The following SNRPN variants were observed in gnomAD, a reference collection of about 807,000 sequenced individuals.
The protein encoded by SNRPN is small nuclear ribonucleoprotein-associated protein N.
In SNRPN, 7 loss-of-function variants were observed where a neutral mutation model predicts 25.2. The ratio of observed to expected loss-of-function variants is 0.28; its 90% CI spans 0.16 to 0.52. The LOEUF is 0.52. Among genes scored for constraint, SNRPN ranks in the 20% least tolerant of loss-of-function variants. The probability of loss-of-function intolerance (pLI) is 0.96; values close to 1 mark genes in which losing one functional copy is unlikely to be tolerated. For synonymous variants in SNRPN, 124 were observed against 110.6 expected (o/e 1.12, Z -0.76); for missense variants, 196 against 322.5 (o/e 0.61, Z 3.00).
intron 1 of SNRPN, among the ~76,000 whole-genome samples, chr15:24,877,834 C>CTCCG (rs999606301): frequency 6.6e-5 from 10 of 152,154 alleles, no homozygotes; most frequent in Admixed American, 2.0e-4. Flanking sequence ...CAGAGCGAAA[C>CTCCG]TCCGTCTAAA....
At chr15:24,898,715 T>C (rs1242519558) in intron 2 of SNRPN, among the ~76,000 whole-genome samples, 1 of 152,220 alleles carries the variant, frequency 6.6e-6, no homozygotes, top group Non-Finnish European at 1.5e-5. Flanking sequence ...TTAATCTGTC[T>C]TTAATGTATG....
In SNRPN at chr15:24,877,661, A is replaced by AACACACACACACACAC. The variant is rs72120147; in HGVS notation, c.-578-8835_-578-8820dup. ...CCAATATGGTGAAACATCTCTACAAAACACACACACACACACACACACACA... is the reference window on the plus strand; with the variant it reads ...CCAATATGGTGAAACATCTCTACAAAACACACACACACACACACACACACACACACACACACACACA... On this transcript the variant is annotated intron_variant, in intron 1 of 11. Coordinates refer to the SNRPN transcript ENST00000400097. 1.9e-3 allele frequency among the ~76,000 whole-genome samples: 281 copies of AACACACACACACACAC among 144,746 alleles called. 1 individual carries two copies. Among genetic ancestry groups the AACACACACACACACAC allele is most frequent in the African/African-American group, 6.8e-3 (266 of 39,068 alleles). The allele number at this position is 144,746 out of a possible 152,430, so 95.0% of individuals were successfully genotyped here.
In SNRPN at chr15:24,833,764, T is replaced by C. The variant is rs556229397; in HGVS notation, c.-579+3859T>C. Among the ~76,000 whole-genome samples the C allele has an allele frequency of 9.1e-3, 1,371 of 151,250 alleles. 38 individuals are homozygous for C. The highest frequency in any genetic ancestry group is 0.031 in the African/African-American group (1,290 of 41,088). On this transcript the variant is annotated intron_variant, in intron 2 of 12. Coordinates refer to the SNRPN transcript ENST00000400100. Reference sequence around the variant, plus strand: ...GTGCAGAGCTACGCAGGAAGAGAGGTTGTTGTTTAATGCAAATTAAGTCCT... The same window carrying C: ...GTGCAGAGCTACGCAGGAAGAGAGGCTGTTGTTTAATGCAAATTAAGTCCT...
chr15:24,933,552 C>T (rs1000243150), intron 3 of SNRPN, among the ~76,000 whole-genome samples: 3 of 151,872 alleles, frequency 2.0e-5, no homozygotes, highest in Non-Finnish European at 2.9e-5. Flanking sequence ...CTGAGGTGGG[C>T]GGATCACCTG....
intron 3 of SNRPN, among the ~76,000 whole-genome samples, chr15:24,971,903 C>T (rs1225141829): frequency 3.9e-5 from 6 of 152,162 alleles, no homozygotes; most frequent in Non-Finnish European, 7.3e-5. Context: ...CATTCACAGT[C>T]ATGATCCTTG....
upstream of SNRPN, among the ~76,000 whole-genome samples, chr15:24,954,612 C>G (rs1057239865): frequency 1.3e-5 from 2 of 152,178 alleles, no homozygotes; most frequent in Non-Finnish European, 2.9e-5. Context: ...TTTTCCAAAC[C>G]AGCTTTTTTG....
At chr15:24,938,839 T>TG (rs1336347608) in intron 3 of SNRPN, among the ~76,000 whole-genome samples, 1 of 152,106 alleles carries the variant, frequency 6.6e-6, no homozygotes, top group Non-Finnish European at 1.5e-5. Context: ...ATATAGAATA[T>TG]GGGAAATAGT....
chr15:24,951,003 C>T (rs921835288), upstream of SNRPN, among the ~76,000 whole-genome samples: 7 of 151,866 alleles, frequency 4.6e-5, no homozygotes, highest in Admixed American at 1.3e-4. Flanking sequence ...GGACTGCAGG[C>T]GCCCGCCACC....
At chr15:24,977,144 G>C (rs1418131613) in intron 7 of SNRPN, 115 bp downstream of exon 7, 22 of 784,176 alleles carry the variant, frequency 2.8e-5, no homozygotes, top group Non-Finnish European at 4.1e-5. Context: ...ATATGGTTTA[G>C]GAGGAACCAA....
At chr15:24,899,087 G>A (rs914010147) in intron 2 of SNRPN, among the ~76,000 whole-genome samples, 6 of 152,120 alleles carry the variant, frequency 3.9e-5, no homozygotes, top group African/African-American at 9.7e-5. Context: ...AGGCCACAAG[G>A]GGTTTTAGAC....
chr15:24,936,239 G>A (rs953221766), intron 3 of SNRPN, among the ~76,000 whole-genome samples: 4 of 152,078 alleles, frequency 2.6e-5, no homozygotes, highest in Non-Finnish European at 5.9e-5. Context: ...CCATGATTTT[G>A]TGTAAAACTT....
chr15:24,859,204 G>A (rs1435173380), intron 1 of SNRPN, among the ~76,000 whole-genome samples: 1 of 152,176 alleles, frequency 6.6e-6, no homozygotes, highest in African/African-American at 2.4e-5. Flanking sequence ...ACTGGCCAAG[G>A]AGAAGCACCC....
intron 2 of SNRPN, among the ~76,000 whole-genome samples, chr15:24,895,598 A>T (rs1189173963): frequency 1.3e-5 from 2 of 152,096 alleles, no homozygotes; most frequent in Non-Finnish European, 2.9e-5. Context: ...TGGTCATTTA[A>T]CACCCATGCC....
intron 3 of SNRPN, among the ~76,000 whole-genome samples, chr15:24,938,829 A>C (rs1447298803): frequency 6.6e-6 from 1 of 152,164 alleles, no homozygotes; most frequent in Non-Finnish European, 1.5e-5. Flanking sequence ...TGCCCTGGGT[A>C]TATAGAATAT....
At chr15:24,836,418 A>ATT (rs36035592) in intron 2 of SNRPN, among the ~76,000 whole-genome samples, 2 of 149,820 alleles carry the variant, frequency 1.3e-5, no homozygotes, top group Admixed American at 6.7e-5. Context: ...ATGCAAATGC[A>ATT]TTTTTTTTTT....
chr15:24,974,807 C>T, intron 4 of SNRPN: 1 of 650,292 alleles, frequency 1.5e-6, no homozygotes, highest in South Asian at 1.7e-5. Context: ...GATCCACCCA[C>T]CTCGGCCTCC....
At chr15:24,835,358 A>C (rs2051073009) in intron 2 of SNRPN, among the ~76,000 whole-genome samples, 1 of 151,642 alleles carries the variant, frequency 6.6e-6, no homozygotes, top group Non-Finnish European at 1.5e-5. Flanking sequence ...ATTTTGTTCA[A>C]ACTTTAATCA....
At chr15:24,892,380 A>G (rs1277761415) in intron 2 of SNRPN, among the ~76,000 whole-genome samples, 11 of 152,118 alleles carry the variant, frequency 7.2e-5, no homozygotes, top group Admixed American at 3.9e-4. Context: ...GAAAGTGGCA[A>G]GAGTAGGAAG....
At chr15:24,829,911 T>TAA (rs1395669885) in intron 2 of SNRPN, 36 of 151,966 alleles carry the variant, frequency 2.4e-4, no homozygotes, top group African/African-American at 8.0e-4. Context: ...ATGAGGTGGG[T>TAA]TTGCAGCTGC....
Sources: allele counts gnomAD v4.1 joint callset (sites outside exome capture counted in the v4.1 genomes callset), GRCh38; gene constraint gnomAD v4.1.1; transcripts MANE v1.5; gene names NCBI Gene and HGNC (gene_info 2026-07-23, HGNC 2026-07-21).